AKT3: variants seen among roughly 807,000 people sequenced by gnomAD.
AKT3 encodes AKT serine/threonine kinase 3.
In AKT3, 15 loss-of-function variants were observed where a neutral mutation model predicts 65.3. That is an observed-to-expected ratio of 0.23 (90% confidence interval 0.15 to 0.35). The LOEUF (loss-of-function observed/expected upper bound fraction) is 0.35, where lower values mean the gene tolerates loss of function less well. AKT3 is among the 10% of genes least tolerant of loss of function. The probability of loss-of-function intolerance (pLI) is 1.00; values close to 1 mark genes in which losing one functional copy is unlikely to be tolerated. For missense variants in AKT3, 243 were observed against 576.5 expected, an observed-to-expected ratio of 0.42 and a Z score of 5.92; for synonymous variants, 206 against 183.8, an observed-to-expected ratio of 1.12 and a Z score of -0.98.
chr1:243,674,342 C>G (rs1243180870), intron 3 of AKT3, among the ~76,000 whole-genome samples: 1 of 151,826 alleles, frequency 6.6e-6, no homozygotes, highest in Middle Eastern at 3.2e-3. Context: ...ACCACCGTAA[C>G]CCAGTGAACA....
downstream of AKT3, among the ~76,000 whole-genome samples, chr1:243,499,385 G>A (rs1187856744): frequency 6.6e-6 from 1 of 152,210 alleles, no homozygotes; most frequent in Non-Finnish European, 1.5e-5. Flanking sequence ...ATTACCTGCC[G>A]TTAAGGTCAG....
chr1:243,778,714 A>G (rs1191650302), intron 2 of AKT3, among the ~76,000 whole-genome samples: 1 of 152,184 alleles, frequency 6.6e-6, no homozygotes, highest in East Asian at 1.9e-4. Flanking sequence ...GTCAAAAATC[A>G]AACGTTAAAA....
At position 243,500,154 on chromosome 1, in the gene AKT3, T is replaced by C. The variant is rs1420531970; in HGVS notation, c.*5095A>G. ...GAACAAAACACACCAAAAAGGCACA[T>C]ATTTTAACTAGGCCAAAGTATATTA... On this transcript the variant is annotated 3_prime_UTR_variant, in exon 14 of 14. Coordinates refer to ENST00000673466, the MANE Select transcript of AKT3 (RefSeq NM_005465.7). 6 of 297,850 alleles carry C rather than the reference T, an allele frequency of 2.0e-5. No individual in the cohort carries two copies. The highest frequency in any genetic ancestry group is 3.8e-5 in the Non-Finnish European group (6 of 158,434). 18.5% of individuals were successfully genotyped at this position (297,850 alleles called of 1,614,324 possible).
intron 8 of AKT3, among the ~76,000 whole-genome samples, chr1:243,580,441 A>T (rs1574645796): frequency 6.6e-6 from 1 of 152,308 alleles, no homozygotes; most frequent in East Asian, 1.9e-4. Flanking sequence ...AGAGCAGGAC[A>T]ATGTTTTAAA....
At chr1:243,516,516 CTG>C (rs1273012330) in intron 12 of AKT3, among the ~76,000 whole-genome samples, 2 of 152,116 alleles carry the variant, frequency 1.3e-5, no homozygotes, top group Non-Finnish European at 2.9e-5. Context: ...TCTGCTTACA[CTG>C]TGTTTAACTT....
intron 2 of AKT3, among the ~76,000 whole-genome samples, chr1:243,829,879 C>A (rs867667598): frequency 6.6e-6 from 1 of 152,082 alleles, no homozygotes; most frequent in Non-Finnish European, 1.5e-5. Flanking sequence ...TTAATCGCAC[C>A]GAAGGCCCCT....
intron 2 of AKT3, among the ~76,000 whole-genome samples, chr1:243,839,660 CT>C (rs35374668): frequency 6.6e-6 from 1 of 151,878 alleles, no homozygotes; most frequent in Non-Finnish European, 1.5e-5. Flanking sequence ...TCTTTCAGCC[CT>C]TTTTTTATTT....
At chr1:243,648,721 G>A (rs1047479298) in intron 4 of AKT3, among the ~76,000 whole-genome samples, 1 of 152,032 alleles carries the variant, frequency 6.6e-6, no homozygotes. Context: ...TTTGAGGAAA[G>A]GTTCTTAATT....
intron 2 of AKT3, among the ~76,000 whole-genome samples, chr1:243,726,145 T>C (rs893586228): frequency 6.6e-6 from 1 of 152,238 alleles, no homozygotes; most frequent in Non-Finnish European, 1.5e-5. Context: ...CTGGGCATTT[T>C]AACAGATCTT....
chr1:243,626,397 C>G (rs552084889), intron 6 of AKT3, among the ~76,000 whole-genome samples: 14 of 152,138 alleles, frequency 9.2e-5, no homozygotes, highest in African/African-American at 3.4e-4. Flanking sequence ...CCAATGGGAG[C>G]GCCTCTTAGT....
rs78343759 is a variant in AKT3, at chr1:243,697,419, G to A, written c.47-1703C>T. 3.9e-5 allele frequency among the ~76,000 whole-genome samples: 6 copies of A among 152,058 alleles called. No homozygotes were observed. In the East Asian group the frequency reaches 1.2e-3, roughly 29 times the overall value. On this transcript the variant is annotated intron_variant, in intron 2 of 13. Transcript: ENST00000673466. ...AAGCTGAAAAAGGGAAAAATATTCAGATAGTTATGGATATCATTCTTTGAT... is the reference window on the plus strand; with the variant it reads ...AAGCTGAAAAAGGGAAAAATATTCAAATAGTTATGGATATCATTCTTTGAT...
chr1:243,516,161 T>C (rs1574517328), intron 12 of AKT3, among the ~76,000 whole-genome samples: 1 of 152,222 alleles, frequency 6.6e-6, no homozygotes, highest in African/African-American at 2.4e-5. Flanking sequence ...GTCAGAAGGA[T>C]CTTAACCACA....
intron 13 of AKT3, among the ~76,000 whole-genome samples, chr1:243,511,091 G>A (rs1034984284): frequency 2.0e-5 from 3 of 152,238 alleles, no homozygotes; most frequent in Non-Finnish European, 4.4e-5. Flanking sequence ...AAGATTGAGT[G>A]GAAACTCTGC....
chr1:243,806,186 G>C (rs1356970077), intron 2 of AKT3, among the ~76,000 whole-genome samples: 1 of 151,968 alleles, frequency 6.6e-6, no homozygotes, highest in Non-Finnish European at 1.5e-5. Flanking sequence ...CCCTTCTATA[G>C]AACCATGGCA....
intron 8 of AKT3, among the ~76,000 whole-genome samples, chr1:243,578,655 C>G (rs1202854718): frequency 1.3e-5 from 2 of 152,092 alleles, no homozygotes; most frequent in African/African-American, 4.8e-5. Context: ...TGTAACAAAC[C>G]TGCACATCCT....
intron 2 of AKT3, among the ~76,000 whole-genome samples, chr1:243,809,413 A>G (rs529201394): frequency 2.0e-5 from 3 of 152,346 alleles, no homozygotes; most frequent in East Asian, 1.9e-4. Context: ...CTTTAAACCA[A>G]TAAAGATCAA....
intron 2 of AKT3, among the ~76,000 whole-genome samples, chr1:243,716,521 C>T (rs1052998788): frequency 1.3e-5 from 2 of 152,028 alleles, no homozygotes; most frequent in African/African-American, 4.8e-5. Flanking sequence ...GATGGCAAAA[C>T]CTAATCCAAG....
At chr1:243,631,224 T>C (rs1679583326) in intron 6 of AKT3, among the ~76,000 whole-genome samples, 2 of 152,240 alleles carry the variant, frequency 1.3e-5, no homozygotes, top group South Asian at 4.1e-4. Flanking sequence ...CAAGTTGTTA[T>C]CTTTTTGCTG....
At chr1:243,528,649 T>C (rs1413930716) in intron 12 of AKT3, among the ~76,000 whole-genome samples, 1 of 152,244 alleles carries the variant, frequency 6.6e-6, no homozygotes, top group Non-Finnish European at 1.5e-5. Flanking sequence ...GCAAAGGACA[T>C]GATCTTGTTC....
Sources: gnomAD v4.1 joint callset for allele counts (sites outside exome capture counted in the v4.1 genomes callset) on GRCh38, gnomAD v4.1.1 for gene constraint, MANE v1.5 for transcripts, NCBI Gene and HGNC (gene_info 2026-07-23, HGNC 2026-07-21) for gene names.